DGLUCY: variants seen among roughly 807,000 people sequenced by gnomAD.
DGLUCY encodes D-glutamate cyclase.
In DGLUCY, 58 loss-of-function variants were observed where a neutral mutation model predicts 58.5. That is an observed-to-expected ratio of 0.99 (90% CI 0.80 to 1.23). The LOEUF is 1.23. Among genes scored for constraint, DGLUCY ranks in the 50% most tolerant of loss-of-function variants. DGLUCY has a pLI of 0.00. For missense variants in DGLUCY, 779 were observed against 784.7 expected (o/e 0.99, Z 0.09); for synonymous variants, 325 against 314.1 (o/e 1.03, Z -0.37).
At chr14:91,085,817 C>CAT (rs2044207814) in intron 1 of DGLUCY, among the ~76,000 whole-genome samples, 1 of 152,148 alleles carries the variant, frequency 6.6e-6, no homozygotes, top group Admixed American at 6.5e-5. Context: ...GATCCACCTG[C>CAT]CTTAGCCTCC....
At chr14:91,113,052 A>C (rs2044737031), upstream of DGLUCY, among the ~76,000 whole-genome samples, 1 of 150,698 alleles carries the variant, frequency 6.6e-6, no homozygotes, top group African/African-American at 2.4e-5. Flanking sequence ...CTGTAATCCC[A>C]GCACTTTGGG....
intron 1 of DGLUCY, among the ~76,000 whole-genome samples, chr14:91,066,462 C>T (rs538079242): frequency 6.0e-5 from 9 of 150,862 alleles, no homozygotes; most frequent in Admixed American, 1.3e-4. Context: ...GCTGCCAGAA[C>T]GGGGTCCGTG....
chr14:91,194,752 G>A (rs2050106254), intron 9 of DGLUCY, among the ~76,000 whole-genome samples: 1 of 152,120 alleles, frequency 6.6e-6, no homozygotes, highest in African/African-American at 2.4e-5. Context: ...CATTGGCCAG[G>A]ATGATCTCAA....
intron 1 of DGLUCY, among the ~76,000 whole-genome samples, chr14:91,149,381 T>C (rs747545853): frequency 8.5e-5 from 13 of 152,200 alleles, no homozygotes; most frequent in Admixed American, 2.6e-4. Flanking sequence ...TGGCAAATTC[T>C]CTCCCAGTGA....
intron 8 of DGLUCY, 34 bp downstream of exon 8, chr14:91,181,423 A>G (rs778108785): frequency 1.9e-6 from 3 of 1,589,080 alleles, no homozygotes; most frequent in South Asian, 2.2e-5. Flanking sequence ...GCATAGACCC[A>G]GGTAAGAAAC....
At chr14:91,128,517 A>C in intron 1 of DGLUCY, among the ~76,000 whole-genome samples, 1 of 152,086 alleles carries the variant, frequency 6.6e-6, no homozygotes, top group Non-Finnish European at 1.5e-5. Context: ...AAAATAAAAC[A>C]AAAAATAAAA....
intron 1 of DGLUCY, among the ~76,000 whole-genome samples, chr14:91,078,073 G>A (rs190595811): frequency 5.9e-5 from 9 of 152,206 alleles, no homozygotes; most frequent in African/African-American, 2.2e-4. Flanking sequence ...CTGTCGCCCA[G>A]GCTGGAGTAC....
chr14:91,080,183 A>G (rs759976818), intron 1 of DGLUCY, among the ~76,000 whole-genome samples: 27 of 152,044 alleles, frequency 1.8e-4, no homozygotes, highest in Non-Finnish European at 3.1e-4. Flanking sequence ...CTGCTTGTCT[A>G]TTCATCTGTG....
Position 91,170,224 on chromosome 14 carries a change from A to C in DGLUCY, c.456+23A>C, listed in dbSNP as rs762320554. Reference sequence around the variant, plus strand: ...AAGGTAGGGACACAGCCCACAGCCCACAAGGGCAGAATGGCCTGAAGATGC... The same window carrying C: ...AAGGTAGGGACACAGCCCACAGCCCCCAAGGGCAGAATGGCCTGAAGATGC... On this transcript the variant is annotated intron_variant, in intron 5 of 13. Transcript: ENST00000256324. 4 of 1,606,606 alleles carry C rather than the reference A, an allele frequency of 2.5e-6. No homozygotes were observed. The South Asian group carries it at 4.4e-5, about 18-fold the overall frequency.
chr14:91,211,618 T>A (rs1223566607), intron 12 of DGLUCY, among the ~76,000 whole-genome samples: 1 of 152,204 alleles, frequency 6.6e-6, no homozygotes, highest in African/African-American at 2.4e-5. Flanking sequence ...GAACTGGAAC[T>A]ACTGGACATC....
chr14:91,076,040 G>A (rs141513548), intron 1 of DGLUCY, among the ~76,000 whole-genome samples: 1,540 of 152,060 alleles, frequency 0.01, 13 homozygotes, highest in South Asian at 0.032. Flanking sequence ...TTGAACCTGG[G>A]AGGTGGAGGC....
chr14:91,151,258 G>T (rs1171777839), intron 1 of DGLUCY, among the ~76,000 whole-genome samples: 1 of 151,826 alleles, frequency 6.6e-6, no homozygotes, highest in African/African-American at 2.4e-5. Context: ...TTGTTTTTTT[G>T]AGACGGAGTC....
intron 1 of DGLUCY, among the ~76,000 whole-genome samples, chr14:91,091,395 G>A (rs1173766082): frequency 6.6e-6 from 1 of 152,070 alleles, no homozygotes; most frequent in East Asian, 1.9e-4. Context: ...GGTGGCAGGT[G>A]CCTGTAATCC....
At chr14:91,193,666 C>A (rs2050036101) in intron 9 of DGLUCY, among the ~76,000 whole-genome samples, 1 of 152,008 alleles carries the variant, frequency 6.6e-6, no homozygotes, top group South Asian at 2.1e-4. Flanking sequence ...CATGGTGAAA[C>A]CCCGTCTCTA....
At chr14:91,120,674 G>A (rs950666625) in intron 1 of DGLUCY, among the ~76,000 whole-genome samples, 1 of 152,144 alleles carries the variant, frequency 6.6e-6, no homozygotes, top group African/African-American at 2.4e-5. Flanking sequence ...GCCTCCCAAA[G>A]TGCTGGGATT....
intron 13 of DGLUCY, 137 bp from the exon 14 acceptor site, chr14:91,224,547 A>C: frequency 4.4e-6 from 4 of 916,604 alleles, no homozygotes; most frequent in Non-Finnish European, 6.3e-6. Flanking sequence ...TGGTATTAGT[A>C]CTTTAAACCA....
At chr14:91,068,093 A>G (rs868275976) in intron 1 of DGLUCY, among the ~76,000 whole-genome samples, 118 of 151,788 alleles carry the variant, frequency 7.8e-4, no homozygotes, top group African/African-American at 2.6e-3. Context: ...ACACACACAC[A>G]CACACACACA....
chr14:91,144,733 G>C (rs1166108059), intron 1 of DGLUCY, among the ~76,000 whole-genome samples: 1 of 152,100 alleles, frequency 6.6e-6, no homozygotes. Context: ...TGGGAAGTGG[G>C]GTTTGTCAGG....
chr14:91,078,321 T>C (rs1421745198), intron 1 of DGLUCY, among the ~76,000 whole-genome samples: 1 of 152,260 alleles, frequency 6.6e-6, no homozygotes, highest in Non-Finnish European at 1.5e-5. Context: ...GGTATGCTAA[T>C]GAGCAATTAG....
Sources: allele counts gnomAD v4.1 joint callset (sites outside exome capture counted in the v4.1 genomes callset), GRCh38; gene constraint gnomAD v4.1.1; transcripts MANE v1.5; gene names NCBI Gene and HGNC (gene_info 2026-07-23, HGNC 2026-07-21).